Variants in OR51E1 observed in about 807,000 individuals in gnomAD.
OR51E1 encodes olfactory receptor 51E1.
A neutral mutation model predicts 11.5 loss-of-function variants in OR51E1; 9 were observed. The ratio of observed to expected loss-of-function variants is 0.78; its 90% CI spans 0.47 to 1.37. OR51E1 has a LOEUF of 1.37. Among genes scored for constraint, OR51E1 ranks in the 40% most tolerant of loss-of-function variants. OR51E1 has a pLI of 0.00. For missense variants in OR51E1, 397 were observed against 410.2 expected (o/e 0.97, Z 0.28); for synonymous variants, 168 against 158.3 (o/e 1.06, Z -0.46).
Position 4,655,368 on chromosome 11 carries a change from C to T in OR51E1, c.*1885C>T, listed in dbSNP as rs551418888. The T allele has an allele frequency of 1.2e-5, 2 of 167,102 alleles. No homozygotes were observed. Among genetic ancestry groups the T allele is most frequent in the Admixed American group, 1.3e-4 (2 of 15,296 alleles). The allele number at this position is 167,102 out of a possible 1,614,324, so 10.4% of individuals were successfully genotyped here. ...GTTACACAGAGTAAATCACCAGAAG[C>T]CTGGATTTCTGAAAAAACTGTGCAG... On this transcript the variant is annotated 3_prime_UTR_variant, in exon 2 of 2. Transcript: ENST00000396952.
intron 1 of OR51E1, among the ~76,000 whole-genome samples, chr11:4,647,814 T>C (rs554034966): frequency 2.0e-5 from 3 of 152,098 alleles, no homozygotes; most frequent in East Asian, 3.9e-4. Context: ...GGCTATTCCT[T>C]GGGGATTAGA....
intron 1 of OR51E1, among the ~76,000 whole-genome samples, chr11:4,651,070 A>C (rs939690768): frequency 5.3e-5 from 8 of 152,228 alleles, no homozygotes; most frequent in Non-Finnish European, 5.9e-5. Flanking sequence ...GAATCAGTTC[A>C]CTCTTAACAG....
At position 4,653,402 on chromosome 11, in the gene OR51E1, T is replaced by A. The variant is rs541352700; in HGVS notation, c.876T>A (p.Ile292=). The change falls in exon 2 of 2, where the codon ATT becomes ATA. Residue 292 remains isoleucine, a synonymous_variant. Coordinates refer to ENST00000396952, the MANE Select transcript of OR51E1 (RefSeq NM_152430.4). ...TGGTTCCTCCTGTGCTCAACCCAAT[T>A]GTCTATGGAGTGAAGACAAAGGAGA... ...YLLVPPVLNP[I]VYGVKTKEIR... is the part of the protein sequence containing the mutation. 2 of 1,614,188 alleles carry A rather than the reference T, an allele frequency of 1.2e-6. No homozygotes were observed. Among genetic ancestry groups the A allele is most frequent in the Admixed American group, 3.3e-5 (2 of 60,016 alleles).
chr11:4,647,479 C>G (rs942943771), intron 1 of OR51E1, among the ~76,000 whole-genome samples: 1 of 152,068 alleles, frequency 6.6e-6, no homozygotes, highest in Non-Finnish European at 1.5e-5. Flanking sequence ...TGGCTGGCTT[C>G]CTCTCCATCC....
Position 4,653,077 on chromosome 11 carries a change from A to T in OR51E1, c.551A>T (p.His184Leu). ...SNILSHSYCL[H>L]QDVMKLACDD... ...ATCCTTTCCCATTCCTACTGCCTAC[A>T]CCAAGATGTCATGAAGCTGGCCTGT... The change falls in exon 2 of 2, where the codon CAC becomes CTC. Residue 184 changes from histidine (H) to leucine (L), a missense_variant. Coordinates refer to ENST00000396952, the MANE Select transcript of OR51E1 (RefSeq NM_152430.4). The T allele has an allele frequency of 1.9e-6, 3 of 1,613,880 alleles. No homozygotes were observed. The highest frequency in any genetic ancestry group is 2.5e-6 in the Non-Finnish European group (3 of 1,179,934).
Position 4,653,034 on chromosome 11 carries a change from C to G in OR51E1, c.508C>G (p.Pro170Ala), listed in dbSNP as rs1165151740. 1 of 1,611,270 alleles carries G rather than the reference C, an allele frequency of 6.2e-7. No homozygotes were observed. Among genetic ancestry groups the G allele is most frequent in the Admixed American group, 1.7e-5 (1 of 59,928 alleles). ...APLPVFIKQL[P>A]FCRSNILSHS... is the part of the protein sequence containing the mutation. ...CCTTCCTGTCTTCATCAAGCAGCTG[C>G]CCTTCTGCCGCTCCAATATCCTTTC... Residue 170 changes from proline (P) to alanine (A), a missense_variant, in exon 2 of 2, where the codon CCC becomes GCC. Physicochemically the swap from Pro to Ala is conservative, Grantham distance 27. Transcript: ENST00000396952.
intron 1 of OR51E1, among the ~76,000 whole-genome samples, chr11:4,650,310 G>T (rs1469322349): frequency 6.6e-6 from 1 of 152,140 alleles, no homozygotes; most frequent in African/African-American, 2.4e-5. Context: ...AATAATTAGT[G>T]ATTAGAGAGA....
intron 1 of OR51E1, among the ~76,000 whole-genome samples, chr11:4,649,866 A>T (rs1847072965): frequency 6.6e-6 from 1 of 152,168 alleles, no homozygotes; most frequent in African/African-American, 2.4e-5. Flanking sequence ...CTTCACACTG[A>T]CCCCCTATTA....
chr11:4,653,262 C>T lies in OR51E1; in HGVS notation c.736C>T (p.His246Tyr), dbSNP rs1163033985. Residue 246 changes from histidine (H) to tyrosine (Y), a missense_variant, in exon 2 of 2, where the codon CAT becomes TAT. His to Tyr is a moderately conservative substitution (Grantham distance 83). Coordinates refer to ENST00000396952, the MANE Select transcript of OR51E1 (RefSeq NM_152430.4). ...CAAGGCATTTGGCACTTGCGTCTCT[C>T]ATGTGTGTGCTGTGTTCATATTCTA... is the stretch of plus-strand genomic sequence containing the variant. ...QAKAFGTCVS[H>Y]VCAVFIFYVP... is the part of the protein sequence containing the mutation. 1.2e-6 allele frequency: 2 copies of T among 1,614,002 alleles called. No homozygotes were observed. Among genetic ancestry groups the T allele is most frequent in the African/African-American group, 1.3e-5 (1 of 74,932 alleles).
chr11:4,650,819 C>T (rs1847085496), intron 1 of OR51E1, among the ~76,000 whole-genome samples: 1 of 152,076 alleles, frequency 6.6e-6, no homozygotes, highest in Admixed American at 6.5e-5. Context: ...ATCTGAAATG[C>T]TCCAAAATCT....
At chr11:4,648,935 A>C (rs1847060328) in intron 1 of OR51E1, among the ~76,000 whole-genome samples, 1 of 152,158 alleles carries the variant, frequency 6.6e-6, no homozygotes, top group Non-Finnish European at 1.5e-5. Flanking sequence ...TTATTTTTAC[A>C]AAATTAAAAT....
chr11:4,649,150 G>A (rs1451073605), intron 1 of OR51E1, among the ~76,000 whole-genome samples: 1 of 152,088 alleles, frequency 6.6e-6, no homozygotes, highest in African/African-American at 2.4e-5. Context: ...TGGTGTTCAG[G>A]AGCTCATAAT....
Position 4,652,900 on chromosome 11 carries a change from G to T in OR51E1, c.374G>T (p.Arg125Leu). Reference protein sequence around the residue: ...STVLLAMAFDRYVAICHPLRH... With the variant: ...STVLLAMAFDLYVAICHPLRH... ...GTGCTGCTGGCCATGGCTTTTGACC[G>T]CTATGTGGCCATCTGTCACCCACTG... The change falls in exon 2 of 2, where the codon CGC becomes CTC. Residue 125 changes from arginine to leucine, a missense_variant. Arg to Leu is a moderately radical substitution (Grantham distance 102). Coordinates refer to ENST00000396952, the MANE Select transcript of OR51E1 (RefSeq NM_152430.4). 1 of 1,612,118 alleles carries T rather than the reference G, an allele frequency of 6.2e-7. No individual in the cohort carries two copies. Among genetic ancestry groups the T allele is most frequent in the South Asian group, 1.1e-5 (1 of 90,756 alleles).
intron 1 of OR51E1, among the ~76,000 whole-genome samples, chr11:4,644,731 C>G (rs958928475): frequency 5.9e-5 from 9 of 152,100 alleles, no homozygotes; most frequent in Non-Finnish European, 1.0e-4. Context: ...TTTGTATTAG[C>G]CAGGATGTAT....
intron 1 of OR51E1, among the ~76,000 whole-genome samples, chr11:4,649,688 G>A (rs1420776088): frequency 1.3e-5 from 2 of 152,150 alleles, no homozygotes; most frequent in East Asian, 1.9e-4. Flanking sequence ...CCCTAGAGAC[G>A]TGGCAGTCAG....
At chr11:4,651,955 T>A (rs755540677) in intron 1 of OR51E1, among the ~76,000 whole-genome samples, 7 of 152,204 alleles carry the variant, frequency 4.6e-5, no homozygotes, top group Non-Finnish European at 1.0e-4. Context: ...TAAGTTATGT[T>A]AAAGTTAGGG....
intron 1 of OR51E1, among the ~76,000 whole-genome samples, chr11:4,645,199 A>G (rs1477447002): frequency 6.6e-6 from 1 of 152,194 alleles, no homozygotes; most frequent in Non-Finnish European, 1.5e-5. Context: ...TATGAGCTCC[A>G]TAAAAGCCAT....
chr11:4,653,427 A>G lies in OR51E1; in HGVS notation c.901A>G (p.Ile301Val), dbSNP rs1297295637. 6.2e-7 allele frequency: 1 copy of G among 1,614,062 alleles called. No individual in the cohort carries two copies. The highest frequency in any genetic ancestry group is 1.1e-5 in the South Asian group (1 of 91,070). Residue 301 changes from isoleucine to valine, a missense_variant, in exon 2 of 2, where the codon ATT becomes GTT. By Grantham distance (29) the Ile-to-Val change is conservative. Coordinates refer to ENST00000396952, the MANE Select transcript of OR51E1 (RefSeq NM_152430.4). ...PIVYGVKTKEIRQRILRLFHV... is the reference protein window; with the variant it reads ...PIVYGVKTKEVRQRILRLFHV... ...TGTCTATGGAGTGAAGACAAAGGAG[A>G]TTCGACAGCGCATCCTTCGACTTTT...
chr11:4,650,115 C>T (rs190902315), intron 1 of OR51E1, among the ~76,000 whole-genome samples: 5 of 152,142 alleles, frequency 3.3e-5, no homozygotes, highest in African/African-American at 9.6e-5. Context: ...GTAAGTCTTC[C>T]GAATTATGAA....
Sources: gnomAD v4.1 joint callset for allele counts (sites outside exome capture counted in the v4.1 genomes callset) on GRCh38, gnomAD v4.1.1 for gene constraint, MANE v1.5 for transcripts, NCBI Gene and HGNC (gene_info 2026-07-23, HGNC 2026-07-21) for gene names.